The following SPOCK1 variants were observed in gnomAD, a reference collection of about 807,000 sequenced individuals.
SPOCK1 encodes testican-1.
Under a neutral mutation model 55.3 loss-of-function variants are expected in SPOCK1, and 23 were observed. The ratio of observed to expected loss-of-function variants is 0.42; its 90% CI spans 0.30 to 0.59. The LOEUF (loss-of-function observed/expected upper bound fraction) is 0.59, where lower values mean the gene tolerates loss of function less well. SPOCK1 is among the 20% of genes least tolerant of loss of function. The probability of loss-of-function intolerance (pLI) is 0.22; values close to 1 mark genes in which losing one functional copy is unlikely to be tolerated. For synonymous variants in SPOCK1, 226 were observed against 221.0 expected (o/e 1.02, Z -0.20); for missense variants, 499 against 552.5 (o/e 0.90, Z 0.97).
intron 2 of SPOCK1, among the ~76,000 whole-genome samples, chr5:137,471,147 C>G (rs2149839608): frequency 6.6e-6 from 1 of 152,342 alleles, no homozygotes; most frequent in East Asian, 1.9e-4. Flanking sequence ...CTCTGTCCAA[C>G]TCTCCAATCC....
At position 136,980,770 on chromosome 5, in the gene SPOCK1, T is replaced by C. The variant is rs189225972; in HGVS notation, c.992-1301A>G. Among the ~76,000 whole-genome samples, 396 of 152,330 alleles carry C rather than the reference T, an allele frequency of 2.6e-3. 3 individuals are homozygous for C. The highest frequency in any genetic ancestry group is 9.1e-3 in the African/African-American group (378 of 41,574). ...CATATAATTTTGTTTTGGTGTTTTC[T>C]GCATTGTTTCTTTTGAAGTTCCTAA... On this transcript the variant is annotated intron_variant, in intron 9 of 10. Coordinates refer to ENST00000394945, the MANE Select transcript of SPOCK1 (RefSeq NM_004598.4).
chr5:137,230,559 GAT>G (rs1198346666), intron 3 of SPOCK1, among the ~76,000 whole-genome samples: 1 of 152,200 alleles, frequency 6.6e-6, no homozygotes, highest in Non-Finnish European at 1.5e-5. Flanking sequence ...GAATTAAACT[GAT>G]ATGTATTAAA....
chr5:137,148,016 C>A (rs568788957), intron 3 of SPOCK1, among the ~76,000 whole-genome samples: 10 of 152,144 alleles, frequency 6.6e-5, no homozygotes, highest in Middle Eastern at 3.2e-3. Flanking sequence ...CCAAAAGAAG[C>A]GCCTTTCCCT....
intron 2 of SPOCK1, among the ~76,000 whole-genome samples, chr5:137,326,649 A>G (rs1360197428): frequency 6.6e-6 from 1 of 152,254 alleles, no homozygotes; most frequent in Non-Finnish European, 1.5e-5. Flanking sequence ...GCCCTATTAA[A>G]CATGCACACA....
chr5:137,287,849 G>A (rs979134032), intron 2 of SPOCK1, among the ~76,000 whole-genome samples: 3 of 152,254 alleles, frequency 2.0e-5, no homozygotes, highest in East Asian at 1.9e-4. Flanking sequence ...TGCTTTAGGC[G>A]GTACCTACAT....
At chr5:137,487,451 C>G (rs934109858) in intron 2 of SPOCK1, among the ~76,000 whole-genome samples, 1 of 152,082 alleles carries the variant, frequency 6.6e-6, no homozygotes, top group Non-Finnish European at 1.5e-5. Flanking sequence ...CTCTGTGGTT[C>G]CGACTATCAG....
At chr5:136,984,874 A>G (rs1750808855) in intron 9 of SPOCK1, among the ~76,000 whole-genome samples, 1 of 152,196 alleles carries the variant, frequency 6.6e-6, no homozygotes, top group South Asian at 2.1e-4. Context: ...TTAGCCTAAG[A>G]TCAGGGAGGA....
At position 137,410,935 on chromosome 5, in the gene SPOCK1, A is replaced by G. The variant is rs144024651; in HGVS notation, c.186+87438T>C. ...AGCACCAAGCCTTGCAGATGAGCAC[A>G]TCAAGTTTGGGGACCTCAGGAAAGT... On this transcript the variant is annotated intron_variant, in intron 2 of 10. Transcript: ENST00000394945. Among the ~76,000 whole-genome samples the G allele has an allele frequency of 3.3e-3, 503 of 152,336 alleles. 5 individuals are homozygous for G. The highest frequency in any genetic ancestry group is 0.011 in the African/African-American group (475 of 41,570).
At chr5:137,111,159 C>T (rs1753462649) in intron 5 of SPOCK1, among the ~76,000 whole-genome samples, 1 of 151,978 alleles carries the variant, frequency 6.6e-6, no homozygotes, top group Non-Finnish European at 1.5e-5. Context: ...GAGCCTGTGA[C>T]ATCTCCATGG....
At chr5:137,143,049 T>C (rs1057171671) in intron 3 of SPOCK1, among the ~76,000 whole-genome samples, 2 of 152,184 alleles carry the variant, frequency 1.3e-5, no homozygotes, top group East Asian at 1.9e-4. Context: ...CAGTCCTTCA[T>C]TGCCCCTTCT....
chr5:137,190,376 AT>A (rs1755156747), intron 3 of SPOCK1, among the ~76,000 whole-genome samples: 1 of 152,208 alleles, frequency 6.6e-6, no homozygotes, highest in South Asian at 2.1e-4. Flanking sequence ...GTCAGCAGCC[AT>A]CAACACTGAA....
chr5:137,133,958 TG>T (rs1370762104), intron 4 of SPOCK1, among the ~76,000 whole-genome samples: 20 of 6,692 alleles, frequency 3.0e-3, no homozygotes, highest in East Asian at 0.029. Flanking sequence ...GGGCTGGGGG[TG>T]GGGGGGGTAG....
chr5:137,133,567 C>T (rs539672916), intron 4 of SPOCK1, among the ~76,000 whole-genome samples: 5 of 152,134 alleles, frequency 3.3e-5, no homozygotes, highest in South Asian at 4.2e-4. Flanking sequence ...CAATAGTCTT[C>T]GTTTCAGAGA....
At chr5:137,199,868 G>A (rs1243017203) in intron 3 of SPOCK1, among the ~76,000 whole-genome samples, 2 of 151,996 alleles carry the variant, frequency 1.3e-5, no homozygotes, top group African/African-American at 4.8e-5. Context: ...AGCCTCTAAC[G>A]CATCCTGATA....
intron 2 of SPOCK1, chr5:137,273,388 A>C (rs933407333): frequency 1.1e-5 from 11 of 984,856 alleles, no homozygotes; most frequent in Non-Finnish European, 1.2e-5. Flanking sequence ...CAACTTCCTG[A>C]GTACGAAAGC....
intron 2 of SPOCK1, among the ~76,000 whole-genome samples, chr5:137,415,334 T>C (rs1752306840): frequency 6.6e-6 from 1 of 152,146 alleles, no homozygotes. Context: ...ACTGTTTAAA[T>C]AGGATTTGTG....
At chr5:137,378,772 G>A (rs1751387365) in intron 2 of SPOCK1, among the ~76,000 whole-genome samples, 1 of 152,206 alleles carries the variant, frequency 6.6e-6, no homozygotes, top group South Asian at 2.1e-4. Flanking sequence ...GCTAGCAACA[G>A]GATCACTTAC....
At chr5:137,043,782 C>T (rs923622134) in intron 6 of SPOCK1, among the ~76,000 whole-genome samples, 3 of 152,116 alleles carry the variant, frequency 2.0e-5, no homozygotes, top group Non-Finnish European at 4.4e-5. Flanking sequence ...AAAATGTTAG[C>T]AAAGCCTAAG....
At chr5:137,402,742 T>C (rs1449862476) in intron 2 of SPOCK1, among the ~76,000 whole-genome samples, 1 of 151,980 alleles carries the variant, frequency 6.6e-6, no homozygotes, top group East Asian at 1.9e-4. Context: ...CAAAATGGAG[T>C]TTCTAATGAA....
Sources: allele counts gnomAD v4.1 joint callset (sites outside exome capture counted in the v4.1 genomes callset), GRCh38; gene constraint gnomAD v4.1.1; transcripts MANE v1.5; gene names NCBI Gene and HGNC (gene_info 2026-07-23, HGNC 2026-07-21).